LMBR1: variants seen among roughly 807,000 people sequenced by gnomAD.
LMBR1 encodes limb region 1 protein homolog.
LMBR1 carries 52 observed loss-of-function variants against 73.9 expected under a neutral mutation model. The observed-to-expected ratio is 0.70, with a 90% CI of 0.56 to 0.89. The LOEUF is 0.89. Ranked by LOEUF, LMBR1 falls within the 40% of genes least tolerant of loss-of-function variation. The pLI is 0.00. For missense variants in LMBR1, 539 were observed against 579.8 expected, an observed-to-expected ratio of 0.93 and a Z score of 0.72; for synonymous variants, 215 against 209.4, an observed-to-expected ratio of 1.03 and a Z score of -0.23.
intron 4 of LMBR1, among the ~76,000 whole-genome samples, chr7:156,818,385 A>C (rs1325802488): frequency 6.6e-6 from 1 of 152,198 alleles, no homozygotes; most frequent in East Asian, 1.9e-4. Flanking sequence ...CATTCATGTC[A>C]CAAATGTTTG....
chr7:156,772,087 A>G (rs1825292221), intron 5 of LMBR1, among the ~76,000 whole-genome samples: 2 of 152,146 alleles, frequency 1.3e-5, no homozygotes, highest in Non-Finnish European at 2.9e-5. Flanking sequence ...CAGCCTGACC[A>G]ACATGGTGAA....
At chr7:156,806,598 C>CTTTTTTTTTTTTTTT (rs71189962) in intron 4 of LMBR1, among the ~76,000 whole-genome samples, 1 of 44,672 alleles carries the variant, frequency 2.2e-5, no homozygotes, top group African/African-American at 1.0e-4. Flanking sequence ...TTTGTAGATG[C>CTTTTTTTTTTTTTTT]TTTTTTTTTT....
intron 1 of LMBR1, among the ~76,000 whole-genome samples, chr7:156,876,428 CAAAG>C (rs1286315727): frequency 6.6e-6 from 1 of 152,042 alleles, no homozygotes; most frequent in Non-Finnish European, 1.5e-5. Flanking sequence ...AGAAAGTCAA[CAAAG>C]AAACAATGGA....
intron 15 of LMBR1, among the ~76,000 whole-genome samples, chr7:156,699,349 C>T (rs1177846584): frequency 6.6e-6 from 1 of 151,882 alleles, no homozygotes; most frequent in Non-Finnish European, 1.5e-5. Flanking sequence ...ACTGGCTAGC[C>T]ATATGTAGAA....
chr7:156,878,686 C>A (rs999520670), intron 1 of LMBR1, among the ~76,000 whole-genome samples: 1 of 152,164 alleles, frequency 6.6e-6, no homozygotes, highest in Non-Finnish European at 1.5e-5. Flanking sequence ...TCATTCTTCA[C>A]AGAACTAGTA....
At chr7:156,778,060 TAATAAC>T (rs1826470977) in intron 5 of LMBR1, among the ~76,000 whole-genome samples, 1 of 152,202 alleles carries the variant, frequency 6.6e-6, no homozygotes, top group East Asian at 1.9e-4. Context: ...GGTACACAAA[TAATAAC>T]AAGAACTGTC....
In LMBR1 at chr7:156,878,081, C is replaced by T. The variant is rs551031523; in HGVS notation, c.66+14847G>A. On this transcript the variant is annotated intron_variant, in intron 1 of 16. Transcript: ENST00000353442. ...TGTAATAAAAGCCATCTATGACAAA[C>T]CCACAGCCAATATAATACTGAATGG... Among the ~76,000 whole-genome samples the T allele has an allele frequency of 1.4e-3, 206 of 152,224 alleles. 1 individual carries two copies. Among genetic ancestry groups the T allele is most frequent in the Non-Finnish European group, 2.3e-3 (155 of 68,020 alleles).
intron 1 of LMBR1, chr7:156,892,547 C>A (rs561275823): frequency 4.2e-5 from 7 of 167,958 alleles, no homozygotes; most frequent in Non-Finnish European, 8.9e-5. Context: ...CGCACACCCG[C>A]CCAGAGAGGA....
In LMBR1 at chr7:156,796,421, G is replaced by A. The variant is rs552587687; in HGVS notation, c.391C>T (p.Leu131=). 4 of 1,602,810 alleles carry A rather than the reference G, an allele frequency of 2.5e-6. No individual in the cohort carries two copies. Among genetic ancestry groups the A allele is most frequent in the Admixed American group, 3.4e-5 (2 of 58,554 alleles). The part of the protein sequence containing the change: ...FVLMPFAFFF[L]ESEGFAGLKK... ...AGGCCAGCAAAGCCTTCTGATTCCA[G>A]AAAGAAAAAGGCAAAGGGCATCAAT... The change falls in exon 5 of 17, where the codon CTG becomes TTG. Residue 131 remains leucine (L), a synonymous_variant. Coordinates refer to ENST00000353442, the MANE Select transcript of LMBR1 (RefSeq NM_022458.4).
At position 156,887,204 on chromosome 7, in the gene LMBR1, G is replaced by A. The variant is rs780079898; in HGVS notation, c.66+5724C>T. On this transcript the variant is annotated intron_variant, in intron 1 of 16. Coordinates refer to ENST00000353442, the MANE Select transcript of LMBR1 (RefSeq NM_022458.4). ...CACTAGGCTGGGCGCGGTGGCTCAC[G>A]CCTGTAATCCCAGCACTTTGGGAGG... Among the ~76,000 whole-genome samples the A allele has an allele frequency of 2.3e-4, 35 of 152,240 alleles. No individual in the cohort carries two copies. In the Middle Eastern group the frequency reaches 0.01, roughly 44 times the overall value.
chr7:156,837,274 G>C (rs146678824), intron 1 of LMBR1, among the ~76,000 whole-genome samples: 1 of 150,488 alleles, frequency 6.6e-6, no homozygotes, highest in South Asian at 2.1e-4. Flanking sequence ...GGCGGAGGTT[G>C]CAATGAACCA....
chr7:156,687,938 G>A (rs1806319561), intron 16 of LMBR1, 92 bp downstream of exon 16: 2 of 1,219,582 alleles, frequency 1.6e-6, no homozygotes, highest in South Asian at 3.4e-5. Flanking sequence ...TTACAAATTT[G>A]GGAAACTAAA....
At chr7:156,852,111 T>C (rs914631258) in intron 1 of LMBR1, among the ~76,000 whole-genome samples, 1 of 152,112 alleles carries the variant, frequency 6.6e-6, no homozygotes, top group African/African-American at 2.4e-5. Flanking sequence ...CAAAGTAATA[T>C]AACAAGTAAT....
intron 5 of LMBR1, among the ~76,000 whole-genome samples, chr7:156,781,667 C>T (rs1383499931): frequency 2.0e-5 from 3 of 152,106 alleles, no homozygotes; most frequent in African/African-American, 4.8e-5. Context: ...TTTAGCTTTA[C>T]ATGTCTATTA....
Position 156,877,881 on chromosome 7 carries a change from C to CA in LMBR1, c.66+15046dup, listed in dbSNP as rs35576209. ...CTGGGCGACAGAGCGAGACTCCACT[C>CA]AAAAAAAAAAAAAAAAATACGCAAG... On this transcript the variant is annotated intron_variant, in intron 1 of 16. Transcript: ENST00000353442. Among the ~76,000 whole-genome samples, 559 of 121,926 alleles carry CA rather than the reference C, an allele frequency of 4.6e-3. 2 individuals carry two copies. Among genetic ancestry groups the CA allele is most frequent in the African/African-American group, 8.4e-3 (270 of 32,188 alleles). 80.0% of individuals were successfully genotyped at this position (121,926 alleles called of 152,430 possible).
intron 9 of LMBR1, among the ~76,000 whole-genome samples, chr7:156,743,259 G>A (rs373600836): frequency 6.6e-6 from 1 of 151,850 alleles, no homozygotes; most frequent in African/African-American, 2.4e-5. Flanking sequence ...AGCTTCCTTG[G>A]GTCTGTGAAA....
At chr7:156,792,017 C>G (rs997228607) in intron 5 of LMBR1, among the ~76,000 whole-genome samples, 2 of 152,086 alleles carry the variant, frequency 1.3e-5, no homozygotes, top group Non-Finnish European at 2.9e-5. Context: ...CATTTTTATT[C>G]AAAATAAGAT....
chr7:156,676,877 C>A, downstream of LMBR1: 1 of 527,664 alleles, frequency 1.9e-6, no homozygotes, highest in Non-Finnish European at 3.4e-6. Flanking sequence ...TGAGTTTAAT[C>A]ACTTCAAATA....
At chr7:156,743,885 C>A (rs2132627563) in intron 9 of LMBR1, among the ~76,000 whole-genome samples, 1 of 152,322 alleles carries the variant, frequency 6.6e-6, no homozygotes, top group Admixed American at 6.5e-5. Flanking sequence ...GCTGCCCACC[C>A]ATGCCCCCAA....
Sources: gnomAD v4.1 joint callset for allele counts (sites outside exome capture counted in the v4.1 genomes callset) on GRCh38, gnomAD v4.1.1 for gene constraint, MANE v1.5 for transcripts, NCBI Gene and HGNC (gene_info 2026-07-23, HGNC 2026-07-21) for gene names.